The following CD8B2 variants were observed in gnomAD, a reference collection of about 807,000 sequenced individuals.
The protein encoded by CD8B2 is CD8B family member 2.
CD8B2 carries 11 observed loss-of-function variants against 23.7 expected under a neutral mutation model. The observed-to-expected ratio is 0.46, with a 90% CI of 0.29 to 0.77. The LOEUF is 0.77. Among genes scored for constraint, CD8B2 ranks in the 30% least tolerant of loss-of-function variants. CD8B2 has a pLI of 0.09. For missense variants in CD8B2, 197 were observed against 270.5 expected (o/e 0.73, Z 1.91); for synonymous variants, 90 against 109.3 (o/e 0.82, Z 1.10).
At chr2:106,489,490 C>T (rs902133820) in intron 1 of CD8B2, among the ~76,000 whole-genome samples, 1 of 152,092 alleles carries the variant, frequency 6.6e-6, no homozygotes. Flanking sequence ...CACACACATG[C>T]CCTCTGCCCC....
intron 2 of CD8B2, among the ~76,000 whole-genome samples, chr2:106,492,093 C>A (rs1183531589): frequency 2.6e-5 from 4 of 152,042 alleles, no homozygotes; most frequent in Non-Finnish European, 5.9e-5. Flanking sequence ...CGAATTCATA[C>A]CTGAGTCGAA....
At chr2:106,502,234 G>A (rs1171745055) in intron 3 of CD8B2, among the ~76,000 whole-genome samples, 2 of 139,460 alleles carry the variant, frequency 1.4e-5, no homozygotes, top group Non-Finnish European at 3.0e-5. Context: ...GGCGGAAGTT[G>A]CAGTGAGCTG....
chr2:106,515,425 G>T (rs544788740), downstream of CD8B2, among the ~76,000 whole-genome samples: 1 of 152,304 alleles, frequency 6.6e-6, no homozygotes, highest in East Asian at 1.9e-4. Flanking sequence ...TCTTTGAGAG[G>T]TAGTTAGGTT....
chr2:106,512,474 G>GGGGTGT (rs371354974), downstream of CD8B2, among the ~76,000 whole-genome samples: 4 of 150,680 alleles, frequency 2.7e-5, no homozygotes, highest in African/African-American at 9.8e-5. Context: ...CTCTTCCTTG[G>GGGGTGT]GTGTGTGTGT....
Position 106,491,003 on chromosome 2 carries a change from G to T in CD8B2, c.173G>T (p.Arg58Leu), listed in dbSNP as rs147267386. The T allele has an allele frequency of 6.2e-7, 1 of 1,613,980 alleles. No homozygotes were observed. The highest frequency in any genetic ancestry group is 8.5e-7 in the Non-Finnish European group (1 of 1,179,868). The change falls in exon 2 of 6, where the codon CGC becomes CTC. Residue 58 changes from arginine (R) to leucine (L), a missense_variant. Coordinates refer to ENST00000643224, the MANE Select transcript of CD8B2 (RefSeq NM_001349727.2). ...SNMCIYWLRQ[R>L]QAPSSDSHHE... ...ATGTGCATCTACTGGCTGAGACAGC[G>T]CCAGGCCCCGAGCAGTGATAGTCAC...
rs1679603619 is a variant in CD8B2 at position 106,510,466 on chromosome 2, T to C, written c.*3526T>C. Reference sequence around the variant, plus strand: ...AGCAAGCACATGGGATTACAGCTCATGCCTGTAATCCCAGTACTTTGGGAG... The same window carrying C: ...AGCAAGCACATGGGATTACAGCTCACGCCTGTAATCCCAGTACTTTGGGAG... On this transcript the variant is annotated 3_prime_UTR_variant, in exon 6 of 6. Coordinates refer to ENST00000643224, the MANE Select transcript of CD8B2 (RefSeq NM_001349727.2). 6.6e-6 allele frequency: 1 copy of C among 152,258 alleles called. No individual in the cohort carries two copies. The highest frequency in any genetic ancestry group is 6.5e-5 in the Admixed American group (1 of 15,290). 9.4% of individuals were successfully genotyped at this position (152,258 alleles called of 1,614,324 possible).
intron 5 of CD8B2, among the ~76,000 whole-genome samples, chr2:106,523,552 T>G (rs1299749139): frequency 6.6e-6 from 1 of 152,152 alleles, no homozygotes; most frequent in African/African-American, 2.4e-5. Flanking sequence ...GGGCCTCCTG[T>G]GTGATGCACT....
At chr2:106,527,076 C>T (rs903841459) in intron 5 of CD8B2, among the ~76,000 whole-genome samples, 2 of 152,122 alleles carry the variant, frequency 1.3e-5, no homozygotes, top group Non-Finnish European at 2.9e-5. Flanking sequence ...TTTCATTGCT[C>T]TTGGATATAT....
chr2:106,509,719 G>A lies in CD8B2; in HGVS notation c.*2779G>A, dbSNP rs919402911. 2 of 152,124 alleles carry A rather than the reference G, an allele frequency of 1.3e-5. No individual in the cohort carries two copies. The highest frequency in any genetic ancestry group is 2.9e-5 in the Non-Finnish European group (2 of 68,020). 9.4% of individuals were successfully genotyped at this position (152,124 alleles called of 1,614,324 possible). Reference sequence around the variant, plus strand: ...GTGAGAAGGTCTGCACCCAGCACCTGACCTTTGTTTGAAGAAGGAACTGAG... The same window carrying A: ...GTGAGAAGGTCTGCACCCAGCACCTAACCTTTGTTTGAAGAAGGAACTGAG... On this transcript the variant is annotated 3_prime_UTR_variant, in exon 6 of 6. Coordinates refer to ENST00000643224, the MANE Select transcript of CD8B2 (RefSeq NM_001349727.2).
At position 106,507,392 on chromosome 2, in the gene CD8B2, G is replaced by A. The variant is rs1041241785; in HGVS notation, c.*452G>A. 1.1e-4 allele frequency: 111 copies of A among 986,706 alleles called. No individual in the cohort carries two copies. The highest frequency in any genetic ancestry group is 1.3e-4 in the Non-Finnish European group (110 of 830,856). 61.1% of individuals were successfully genotyped at this position (986,706 alleles called of 1,614,324 possible). On this transcript the variant is annotated 3_prime_UTR_variant, in exon 6 of 6. Transcript: ENST00000643224. ...TCCCAGGCTGGGGCTGACCTTCCTC[G>A]CAGAGAGGCCAGGTGCAGGTTGGGA...
intron 5 of CD8B2, among the ~76,000 whole-genome samples, chr2:106,527,183 C>A (rs1679918506): frequency 6.6e-6 from 1 of 152,126 alleles, no homozygotes; most frequent in African/African-American, 2.4e-5. Context: ...ATTTTACATT[C>A]CCACCAGGAA....
At chr2:106,542,292 A>G (rs959065241) in intron 5 of CD8B2, among the ~76,000 whole-genome samples, 2 of 152,230 alleles carry the variant, frequency 1.3e-5, no homozygotes, top group Admixed American at 1.3e-4. Context: ...GCGGGCAGTA[A>G]CTAGATCTGA....
At chr2:106,515,974 C>T (rs1237531401), downstream of CD8B2, among the ~76,000 whole-genome samples, 1 of 151,788 alleles carries the variant, frequency 6.6e-6, no homozygotes, top group Non-Finnish European at 1.5e-5. Flanking sequence ...AAGCACCCAC[C>T]ACCATGCTCA....
chr2:106,514,109 G>A (rs1309594431), downstream of CD8B2, among the ~76,000 whole-genome samples: 2 of 139,078 alleles, frequency 1.4e-5, no homozygotes, highest in Non-Finnish European at 3.2e-5. Context: ...GCTCACTCTG[G>A]CAGTTCCATC....
intron 3 of CD8B2, among the ~76,000 whole-genome samples, chr2:106,499,651 C>T (rs1433565563): frequency 2.6e-5 from 4 of 152,152 alleles, no homozygotes; most frequent in Admixed American, 6.5e-5. Context: ...CGACCGTTAC[C>T]GTAATCTAGT....
chr2:106,541,260 T>G (rs2104578362), intron 5 of CD8B2, among the ~76,000 whole-genome samples: 1 of 152,306 alleles, frequency 6.6e-6, no homozygotes, highest in South Asian at 2.1e-4. Context: ...GGTCAGTTTC[T>G]TCTCTCTTGT....
rs982439218 is a variant in CD8B2, at chr2:106,507,666, C to T, written c.*726C>T. 3.0e-5 allele frequency: 29 copies of T among 954,728 alleles called. No individual in the cohort carries two copies. Among genetic ancestry groups the T allele is most frequent in the South Asian group, 1.5e-4 (3 of 20,628 alleles). 59.1% of individuals were successfully genotyped at this position (954,728 alleles called of 1,614,324 possible). A position where few individuals can be genotyped will look rare whatever the true frequency, so the allele number is the denominator to read the frequency against. On this transcript the variant is annotated 3_prime_UTR_variant, in exon 6 of 6. Coordinates refer to ENST00000643224, the MANE Select transcript of CD8B2 (RefSeq NM_001349727.2). ...AAAGTCCCAGGTTAAAGATAACAAA[C>T]GGGTCCTGTGACATAAACGTACGAA...
chr2:106,498,339 G>A (rs1204358713), intron 3 of CD8B2, among the ~76,000 whole-genome samples: 2 of 151,922 alleles, frequency 1.3e-5, no homozygotes, highest in African/African-American at 2.4e-5. Flanking sequence ...GTAGAGGCAG[G>A]GTTTCACCAT....
intron 2 of CD8B2, among the ~76,000 whole-genome samples, chr2:106,495,910 C>T (rs927074517): frequency 4.6e-5 from 7 of 152,160 alleles, no homozygotes; most frequent in African/African-American, 1.2e-4. Context: ...GTGATCCTCT[C>T]ACCTCAGCCT....
Sources: gnomAD v4.1 joint callset for allele counts (sites outside exome capture counted in the v4.1 genomes callset) on GRCh38, gnomAD v4.1.1 for gene constraint, MANE v1.5 for transcripts, NCBI Gene and HGNC (gene_info 2026-07-23, HGNC 2026-07-21) for gene names.